The following SGSM1 variants were observed in gnomAD, a reference collection of about 807,000 sequenced individuals.
The protein encoded by SGSM1 is RUN and TBC1 domain containing 2.
In SGSM1, 73 loss-of-function variants were observed where a neutral mutation model predicts 133.8. The observed-to-expected ratio is 0.55, with a 90% CI of 0.45 to 0.66. SGSM1 has a LOEUF of 0.66. Among genes scored for constraint, SGSM1 ranks in the 30% least tolerant of loss-of-function variants. The pLI is 0.00. For missense variants in SGSM1, 1,213 were observed against 1,448.1 expected (o/e 0.84, Z 2.64); for synonymous variants, 563 against 573.0 (o/e 0.98, Z 0.25).
At position 24,898,151 on chromosome 22, in the gene SGSM1, A is replaced by G. The variant is rs374763880; in HGVS notation, c.2202A>G (p.Thr734=). Residue 734 remains threonine, a synonymous_variant, in exon 19 of 25, where the codon ACA becomes ACG. Transcript: ENST00000400358. ...LSEHSEPSLS[T]EDSVLDAQRN... is the part of the protein sequence containing the mutation. ...AGCACTCAGAGCCCAGTCTGAGCAC[A>G]GAAGACAGTGTCTTGGACGCCCAGC... is the stretch of plus-strand genomic sequence containing the variant. The G allele has an allele frequency of 7.6e-4, 1,219 of 1,614,026 alleles. 1 individual carries two copies. Among genetic ancestry groups the G allele is most frequent in the Non-Finnish European group, 8.9e-4 (1,049 of 1,179,896 alleles).
chr22:24,845,134 A>G (rs140360762), intron 3 of SGSM1, among the ~76,000 whole-genome samples, 162 bp downstream of exon 3: 1,810 of 152,234 alleles, frequency 0.012, 21 homozygotes, highest in Non-Finnish European at 0.017. Context: ...GTAGAGAAAC[A>G]ATTAAAAATG....
At position 24,895,289 on chromosome 22, in the gene SGSM1, C is replaced by T. The variant is rs1265467578; in HGVS notation, c.2020C>T (p.Gln674Ter). The T allele has an allele frequency of 1.9e-6, 3 of 1,611,054 alleles. No individual in the cohort carries two copies. The highest frequency in any genetic ancestry group is 4.5e-5 in the East Asian group (2 of 44,782). The change falls in exon 18 of 25, where the codon CAG becomes TAG. Residue 674 changes from glutamine to a stop codon, truncating the protein, a stop_gained and splice_region_variant. Coordinates refer to ENST00000400358, the MANE Select transcript of SGSM1 (RefSeq NM_001098497.3). LOFTEE classifies it high-confidence loss of function. ...RLHSDSSSSTQVFESVDEVEQ... is the reference protein window; with the variant it reads ...RLHSDSSSST ...GCACAGCGACTCCAGCAGCAGCACA[C>T]AGGTGACCTTGTGGAGGCCTCGCCC... is the stretch of plus-strand genomic sequence containing the variant.
chr22:24,836,534 C>G (rs1929439433), intron 2 of SGSM1, among the ~76,000 whole-genome samples: 1 of 152,256 alleles, frequency 6.6e-6, no homozygotes, highest in Non-Finnish European at 1.5e-5. Flanking sequence ...ACCATACTGT[C>G]TACCATAGCA....
intron 12 of SGSM1, among the ~76,000 whole-genome samples, chr22:24,871,000 C>T (rs1389222048): frequency 6.6e-6 from 1 of 152,188 alleles, no homozygotes; most frequent in East Asian, 1.9e-4. Context: ...CTTGTCTGCC[C>T]TTGAGGAAAC....
At chr22:24,899,330 CT>C (rs1376082956) in intron 19 of SGSM1, among the ~76,000 whole-genome samples, 1 of 152,000 alleles carries the variant, frequency 6.6e-6, no homozygotes, top group East Asian at 1.9e-4. Context: ...TGTCCAAGGA[CT>C]TCTCCCCAAA....
At chr22:24,840,096 C>G (rs1929703230) in intron 2 of SGSM1, among the ~76,000 whole-genome samples, 1 of 151,988 alleles carries the variant, frequency 6.6e-6, no homozygotes, top group South Asian at 2.1e-4. Flanking sequence ...GTGCCCGCCA[C>G]TATGCCCAGC....
intron 5 of SGSM1, among the ~76,000 whole-genome samples, chr22:24,851,919 CT>C (rs1270835572): frequency 2.0e-5 from 3 of 152,192 alleles, no homozygotes; most frequent in African/African-American, 7.2e-5. Context: ...TATTTACCTT[CT>C]AGTAATAACA....
intron 2 of SGSM1, among the ~76,000 whole-genome samples, chr22:24,840,035 C>G (rs1929699766): frequency 6.6e-6 from 1 of 151,286 alleles, no homozygotes; most frequent in Admixed American, 6.6e-5. Context: ...CTCCGCCTCC[C>G]AGGTTCACGT....
At position 24,924,877 on chromosome 22, in the gene SGSM1, C is replaced by A. The variant is rs941940668; in HGVS notation, c.*603C>A. Reference sequence around the variant, plus strand: ...CTCACCAGATGCCAGTAGTGCCATCCCCCAACCATACCCCTGGTTGTGACA... The same window carrying A: ...CTCACCAGATGCCAGTAGTGCCATCACCCAACCATACCCCTGGTTGTGACA... On this transcript the variant is annotated 3_prime_UTR_variant, in exon 25 of 25. Coordinates refer to ENST00000400358, the MANE Select transcript of SGSM1 (RefSeq NM_001098497.3). 1 of 152,764 alleles carries A rather than the reference C, an allele frequency of 6.5e-6. No individual in the cohort carries two copies. The allele number at this position is 152,764 out of a possible 1,614,324, so 9.5% of individuals were successfully genotyped here. A position where few individuals can be genotyped will look rare whatever the true frequency, so the allele number is the denominator to read the frequency against.
chr22:24,907,911 CA>C (rs796505229), intron 21 of SGSM1, among the ~76,000 whole-genome samples: 1,315 of 57,068 alleles, frequency 0.023, 8 homozygotes, highest in African/African-American at 0.057. Context: ...GACGCCATCT[CA>C]AAAAAAAAAA....
chr22:24,837,712 C>T (rs1417547505), intron 2 of SGSM1, among the ~76,000 whole-genome samples: 1 of 152,168 alleles, frequency 6.6e-6, no homozygotes, highest in African/African-American at 2.4e-5. Context: ...CCAAGGAGCC[C>T]TCTGGTGGCC....
chr22:24,847,542 C>T (rs1930216265), intron 3 of SGSM1, 92 bp from the exon 4 acceptor site: 2 of 1,474,638 alleles, frequency 1.4e-6, no homozygotes, highest in Non-Finnish European at 9.1e-7. Flanking sequence ...GAGGGCTCTC[C>T]AAGGTTCCAG....
chr22:24,840,118 A>AT (rs1172304540), intron 2 of SGSM1, among the ~76,000 whole-genome samples: 2 of 150,632 alleles, frequency 1.3e-5, no homozygotes, highest in Non-Finnish European at 3.0e-5. Flanking sequence ...AATTTTTTGT[A>AT]TTTTTTTAGT....
In SGSM1 at chr22:24,886,634, A is replaced by G. The variant is rs761617847; in HGVS notation, c.1676A>G (p.Tyr559Cys). Residue 559 changes from tyrosine (Y) to cysteine (C), a missense_variant, in exon 16 of 25, where the codon TAC (tyrosine) becomes TGC (cysteine). Tyr to Cys is a radical substitution (Grantham distance 194, BLOSUM62 -2). Transcript: ENST00000400358. ...GAGCAGGAGCTGCTGCGCCTCATCTACTACGGGGGCATCCAGCCTGAGATC... is the reference window on the plus strand; with the variant it reads ...GAGCAGGAGCTGCTGCGCCTCATCTGCTACGGGGGCATCCAGCCTGAGATC... ...YEEQELLRLIYYGGIQPEIRK... is the reference protein window; with the variant it reads ...YEEQELLRLICYGGIQPEIRK... 2 of 1,554,934 alleles carry G rather than the reference A, an allele frequency of 1.3e-6. No homozygotes were observed.
At chr22:24,827,568 C>T (rs971870636) in intron 2 of SGSM1, among the ~76,000 whole-genome samples, 3 of 152,008 alleles carry the variant, frequency 2.0e-5, no homozygotes, top group Admixed American at 6.6e-5. Flanking sequence ...AGCTGAAGGA[C>T]GCCTCAGCAG....
intron 2 of SGSM1, chr22:24,843,494 A>C (rs1178814902): frequency 6.6e-6 from 1 of 152,356 alleles, no homozygotes; most frequent in Non-Finnish European, 1.5e-5. Flanking sequence ...TGTGGGTTCC[A>C]CTGGGTGGGG....
chr22:24,807,724 G>A (rs1324842924), intron 2 of SGSM1, among the ~76,000 whole-genome samples: 4 of 152,076 alleles, frequency 2.6e-5, no homozygotes, highest in Non-Finnish European at 4.4e-5. Context: ...GTGTACATGC[G>A]TGCATGTGTG....
At chr22:24,921,573 G>A (rs1056355743) in intron 24 of SGSM1, among the ~76,000 whole-genome samples, 5 of 152,052 alleles carry the variant, frequency 3.3e-5, no homozygotes, top group Admixed American at 3.3e-4. Context: ...TGCACCCCTA[G>A]TGTCTCTGTA....
intron 17 of SGSM1, 83 bp from the exon 18 acceptor site, chr22:24,895,140 C>A: frequency 7.2e-7 from 1 of 1,384,906 alleles, no homozygotes; most frequent in African/African-American, 1.4e-5. Flanking sequence ...ACTAGACTTT[C>A]TGGCTCCCAG....
Sources: allele counts gnomAD v4.1 joint callset (sites outside exome capture counted in the v4.1 genomes callset), GRCh38; gene constraint gnomAD v4.1.1; transcripts MANE v1.5; gene names NCBI Gene and HGNC (gene_info 2026-07-23, HGNC 2026-07-21).